Variants in LRMDA observed in about 807,000 individuals in gnomAD.
LRMDA encodes the protein leucine-rich melanocyte differentiation-associated protein.
LRMDA carries 18 observed loss-of-function variants against 29.8 expected under a neutral mutation model. The ratio of observed to expected loss-of-function variants is 0.60; its 90% CI spans 0.42 to 0.90. The LOEUF is 0.90. Among genes scored for constraint, LRMDA ranks in the 40% least tolerant of loss-of-function variants. The probability of loss-of-function intolerance (pLI) is 0.00; values close to 1 mark genes in which losing one functional copy is unlikely to be tolerated. For synonymous variants in LRMDA, 125 were observed against 109.4 expected, an observed-to-expected ratio of 1.14 and a Z score of -0.89; for missense variants, 273 against 273.9, an observed-to-expected ratio of 1.00 and a Z score of 0.02.
Position 76,029,230 on chromosome 10 carries a change from A to G in LRMDA, c.132-6778A>G, listed in dbSNP as rs552897499. On this transcript the variant is annotated intron_variant, in intron 2 of 6. Transcript: ENST00000611255. ...ATGCACAGAATCTGCCTGTTTGAGA[A>G]TCTGTATTACATTTTATTGATATAT... Among the ~76,000 whole-genome samples, 6 of 152,330 alleles carry G rather than the reference A, an allele frequency of 3.9e-5. No homozygotes were observed. In the South Asian group the frequency reaches 6.2e-4, roughly 16 times the overall value.
At position 75,785,200 on chromosome 10, in the gene LRMDA, A is replaced by C. The variant is rs566279944; in HGVS notation, c.132-250808A>C. Among the ~76,000 whole-genome samples the C allele has an allele frequency of 2.0e-5, 3 of 152,298 alleles. No individual in the cohort carries two copies. The East Asian group carries it at 5.8e-4, about 29-fold the overall frequency. ...TAGCTCAGCTGATTGGTTGTATGTG[A>C]GCTTTGTGCTCCTCTCCTTTCCTGT... On this transcript the variant is annotated intron_variant, in intron 2 of 6. Coordinates refer to ENST00000611255, the MANE Select transcript of LRMDA (RefSeq NM_001305581.2).
intron 3 of LRMDA, among the ~76,000 whole-genome samples, chr10:76,044,554 C>T (rs1446273957): frequency 6.7e-6 from 1 of 150,350 alleles, no homozygotes; most frequent in East Asian, 2.0e-4. Flanking sequence ...TTTTAATTGG[C>T]TCTATTTAAA....
chr10:76,183,620 A>C (rs1004400886), intron 5 of LRMDA, among the ~76,000 whole-genome samples: 4 of 152,252 alleles, frequency 2.6e-5, no homozygotes, highest in African/African-American at 9.6e-5. Context: ...CAAGGAGGGA[A>C]TAAGCAGATC....
chr10:75,432,893 T>G (rs996467228), intron 1 of LRMDA, among the ~76,000 whole-genome samples: 1 of 152,102 alleles, frequency 6.6e-6, no homozygotes, highest in Admixed American at 6.5e-5. Flanking sequence ...ATGCCAGGTG[T>G]TGTTGGAAAT....
chr10:75,899,492 A>G (rs988132026), intron 2 of LRMDA, among the ~76,000 whole-genome samples: 1 of 152,228 alleles, frequency 6.6e-6, no homozygotes, highest in African/African-American at 2.4e-5. Context: ...TAGAGGTACA[A>G]TGTAAATGCA....
chr10:75,670,194 A>G (rs1208746384), intron 2 of LRMDA, among the ~76,000 whole-genome samples: 1 of 152,226 alleles, frequency 6.6e-6, no homozygotes, highest in Non-Finnish European at 1.5e-5. Context: ...AGTGTAAGTG[A>G]CCTTTGGGAA....
chr10:75,936,889 GCATTCAGC>G (rs1462441353), intron 2 of LRMDA, among the ~76,000 whole-genome samples: 1 of 152,142 alleles, frequency 6.6e-6, no homozygotes. Context: ...TCAGATCATA[GCATTCAGC>G]CATGCATGTA....
At position 75,561,504 on chromosome 10, in the gene LRMDA, A is replaced by G. The variant is rs979978590; in HGVS notation, c.131+123010A>G. Among the ~76,000 whole-genome samples, 3 of 151,740 alleles carry G rather than the reference A, an allele frequency of 2.0e-5. No homozygotes were observed. In the East Asian group the frequency reaches 5.8e-4, roughly 29 times the overall value. On this transcript the variant is annotated intron_variant, in intron 2 of 6. Coordinates refer to ENST00000611255, the MANE Select transcript of LRMDA (RefSeq NM_001305581.2). ...CAGCTCCTGGATTCATTAATTTTTT[A>G]AAGGGTTTTTTGAGTCTCTATTTCC...
At chr10:76,408,487 A>G (rs1841925328) in intron 6 of LRMDA, among the ~76,000 whole-genome samples, 2 of 152,184 alleles carry the variant, frequency 1.3e-5, no homozygotes, top group Non-Finnish European at 2.9e-5. Context: ...TCCTATGCAC[A>G]TGGTTCTAGA....
chr10:75,549,078 G>A (rs1380035915), intron 2 of LRMDA, among the ~76,000 whole-genome samples: 1 of 151,942 alleles, frequency 6.6e-6, no homozygotes, highest in Non-Finnish European at 1.5e-5. Flanking sequence ...ACCCTTTTGT[G>A]TGCCTAGTTT....
At chr10:76,374,939 C>T (rs1841498152) in intron 6 of LRMDA, among the ~76,000 whole-genome samples, 1 of 152,084 alleles carries the variant, frequency 6.6e-6, no homozygotes, top group Admixed American at 6.6e-5. Flanking sequence ...ACTGTAGAAA[C>T]ATAAAACAAA....
chr10:75,646,487 G>A (rs1047606072), intron 2 of LRMDA, among the ~76,000 whole-genome samples: 2 of 152,166 alleles, frequency 1.3e-5, no homozygotes, highest in East Asian at 1.9e-4. Flanking sequence ...TGGCCTCCGC[G>A]AAGAGATATA....
At chr10:76,002,417 A>G (rs995670772) in intron 2 of LRMDA, among the ~76,000 whole-genome samples, 5 of 152,242 alleles carry the variant, frequency 3.3e-5, no homozygotes, top group Non-Finnish European at 7.3e-5. Flanking sequence ...GGAAACACCC[A>G]GGCCTCAGAG....
In LRMDA at chr10:75,961,376, GT is replaced by G. The variant is rs1355151419; in HGVS notation, c.132-74628del. Among the ~76,000 whole-genome samples the G allele has an allele frequency of 3.3e-5, 5 of 152,190 alleles. No individual in the cohort carries two copies. The East Asian group carries it at 7.7e-4, about 23-fold the overall frequency. On this transcript the variant is annotated intron_variant, in intron 2 of 6. Coordinates refer to ENST00000611255, the MANE Select transcript of LRMDA (RefSeq NM_001305581.2). ...TATTCTCGTAGCAAGGTGTTGTTTTGTTTTACTATTATTCAATTCACAGGTA... is the reference window on the plus strand; with the variant it reads ...TATTCTCGTAGCAAGGTGTTGTTTTGTTTACTATTATTCAATTCACAGGTA...
chr10:76,044,169 C>G (rs1474362462), intron 3 of LRMDA, among the ~76,000 whole-genome samples: 1 of 152,188 alleles, frequency 6.6e-6, no homozygotes, highest in African/African-American at 2.4e-5. Context: ...GACATGAGTT[C>G]TAGTGCTCCT....
chr10:75,956,180 C>G (rs531295785), intron 2 of LRMDA, among the ~76,000 whole-genome samples: 1 of 152,252 alleles, frequency 6.6e-6, no homozygotes, highest in Non-Finnish European at 1.5e-5. Context: ...TTTGCAGGAA[C>G]TCTCACTTCC....
chr10:75,835,162 G>T (rs572385741), intron 2 of LRMDA, among the ~76,000 whole-genome samples: 1 of 152,248 alleles, frequency 6.6e-6, no homozygotes, highest in South Asian at 2.1e-4. Context: ...TCAAAATGAG[G>T]CATACAGGGC....
chr10:76,184,928 C>A lies in LRMDA; in HGVS notation c.516+126145C>A, dbSNP rs185328586. ...CTTGTCATAAGAAATGGGTAGCAAA[C>A]GCTGAATCAAAACTTTTTAGGCTTG... is the stretch of plus-strand genomic sequence containing the variant. On this transcript the variant is annotated intron_variant, in intron 5 of 6. Transcript: ENST00000611255. Among the ~76,000 whole-genome samples, 477 of 152,158 alleles carry A rather than the reference C, an allele frequency of 3.1e-3. 2 individuals carry two copies. The highest frequency in any genetic ancestry group is 7.1e-3 in the African/African-American group (294 of 41,536).
chr10:75,786,423 T>G (rs930114046), intron 2 of LRMDA, among the ~76,000 whole-genome samples: 9 of 152,228 alleles, frequency 5.9e-5, no homozygotes, highest in Non-Finnish European at 1.0e-4. Flanking sequence ...CTTTTCATTT[T>G]CAAGCTTAAT....
Sources: allele counts gnomAD v4.1 joint callset (sites outside exome capture counted in the v4.1 genomes callset), GRCh38; gene constraint gnomAD v4.1.1; transcripts MANE v1.5; gene names NCBI Gene and HGNC (gene_info 2026-07-23, HGNC 2026-07-21).